MCU: variants seen among roughly 807,000 people sequenced by gnomAD.
The protein encoded by MCU is calcium uniporter protein, mitochondrial.
MCU carries 12 observed loss-of-function variants against 45.2 expected under a neutral mutation model. That is an observed-to-expected ratio of 0.27 (90% CI 0.17 to 0.43). The LOEUF (loss-of-function observed/expected upper bound fraction) is 0.43, where lower values mean the gene tolerates loss of function less well. Ranked by LOEUF, MCU falls within the 20% of genes least tolerant of loss-of-function variation. The pLI, the probability that MCU is intolerant of heterozygous loss-of-function variation, is 1.00. For synonymous variants in MCU, 160 were observed against 165.1 expected, an observed-to-expected ratio of 0.97 and a Z score of 0.24; for missense variants, 324 against 436.7, an observed-to-expected ratio of 0.74 and a Z score of 2.30.
At chr10:72,706,664 G>A (rs1277153121) in intron 1 of MCU, among the ~76,000 whole-genome samples, 1 of 151,490 alleles carries the variant, frequency 6.6e-6, no homozygotes, top group South Asian at 2.1e-4. Context: ...AGCCTCCCGA[G>A]TAGCTGGGAC....
chr10:72,766,868 CAGAAG>C (rs1167771494), intron 1 of MCU: 1 of 152,162 alleles, frequency 6.6e-6, no homozygotes, highest in Non-Finnish European at 1.5e-5. Context: ...AAATAATACT[CAGAAG>C]AGATTGTTCT....
chr10:72,761,324 C>T (rs1216802044), intron 1 of MCU, among the ~76,000 whole-genome samples: 3 of 152,184 alleles, frequency 2.0e-5, no homozygotes, highest in Non-Finnish European at 4.4e-5. Context: ...CATTTGTAAT[C>T]TTTCTACTTT....
chr10:72,716,267 T>C (rs1413662957), intron 1 of MCU, among the ~76,000 whole-genome samples: 1 of 152,238 alleles, frequency 6.6e-6, no homozygotes, highest in African/African-American at 2.4e-5. Context: ...CTTCAAATTG[T>C]ATTTAGAAAT....
chr10:72,775,047 G>C (rs972069021), intron 1 of MCU, among the ~76,000 whole-genome samples: 1 of 151,872 alleles, frequency 6.6e-6, no homozygotes. Flanking sequence ...AGATCTAATA[G>C]ACTTGATATT....
intron 1 of MCU, among the ~76,000 whole-genome samples, chr10:72,825,099 A>G (rs955854329): frequency 6.6e-6 from 1 of 152,190 alleles, no homozygotes; most frequent in Non-Finnish European, 1.5e-5. Flanking sequence ...TGCCTTTTAA[A>G]GGTTACAGAA....
intron 1 of MCU, among the ~76,000 whole-genome samples, chr10:72,805,165 C>CTTTCTTTCTTTTTCTG (rs1468524303): frequency 1.8e-5 from 1 of 55,114 alleles, no homozygotes; most frequent in Non-Finnish European, 4.1e-5. Flanking sequence ...CTTTCTGTCT[C>CTTTCTTTCTTTTTCTG]TCTCTCTCTC....
At chr10:72,742,022 CAAAAAAAAA>C (rs59028044) in intron 1 of MCU, among the ~76,000 whole-genome samples, 1 of 72,888 alleles carries the variant, frequency 1.4e-5, no homozygotes, top group African/African-American at 5.6e-5. Flanking sequence ...GACTCCGTCT[CAAAAAAAAA>C]AAAAAAAAAA....
chr10:72,751,341 CTTTTTTTTTTTT>C (rs71021528), intron 1 of MCU, among the ~76,000 whole-genome samples: 3,984 of 44,850 alleles, frequency 0.089, 248 homozygotes, highest in African/African-American at 0.3. Context: ...TCTTCTTCTT[CTTTTTTTTTTTT>C]TTTTTTTTTT....
In MCU at chr10:72,722,546, A is replaced by G. The variant is rs368532722; in HGVS notation, c.150+30245A>G. Reference sequence around the variant, plus strand: ...CTTTTTTTTTTTTTAACATGCAACTATTTTTACAAGCAAAATTCTAGTGTA... The same window carrying G: ...CTTTTTTTTTTTTTAACATGCAACTGTTTTTACAAGCAAAATTCTAGTGTA... On this transcript the variant is annotated intron_variant, in intron 1 of 7. Transcript: ENST00000373053. Among the ~76,000 whole-genome samples, 3 of 147,788 alleles carry G rather than the reference A, an allele frequency of 2.0e-5. No homozygotes were observed. In the East Asian group the frequency reaches 5.9e-4, roughly 29 times the overall value.
chr10:72,834,362 C>T lies in MCU; in HGVS notation c.154C>T (p.His52Tyr). The change falls in exon 2 of 8, where the codon CAC (histidine) becomes TAC (tyrosine). Residue 52 changes from histidine to tyrosine, a missense_variant. His to Tyr is a moderately conservative substitution (Grantham distance 83). Coordinates refer to ENST00000373053, the MANE Select transcript of MCU (RefSeq NM_138357.3). ...HRQQQHHRTV[H>Y]QRIASWQNLG... is the part of the protein sequence containing the mutation. ...ATGTATCTTTTGTGTTTTCTAGGTA[C>T]ACCAGAGGATCGCTTCCTGGCAGAA... The T allele has an allele frequency of 6.2e-7, 1 of 1,613,244 alleles. No individual in the cohort carries two copies. The highest frequency in any genetic ancestry group is 8.5e-7 in the Non-Finnish European group (1 of 1,179,360).
intron 3 of MCU, chr10:72,859,940 T>C (rs757749892): frequency 6.5e-6 from 1 of 152,774 alleles, no homozygotes; most frequent in Non-Finnish European, 1.5e-5. Context: ...AGTTAACAAT[T>C]ACCACATTTC....
intron 6 of MCU, among the ~76,000 whole-genome samples, chr10:72,879,535 T>TGA (rs1186776227): frequency 2.6e-5 from 4 of 152,160 alleles, no homozygotes; most frequent in Non-Finnish European, 1.5e-5. Flanking sequence ...AAAGACATTT[T>TGA]CAGACAGAGA....
At position 72,739,100 on chromosome 10, in the gene MCU, A is replaced by G. The variant is rs148663567; in HGVS notation, c.150+46799A>G. On this transcript the variant is annotated intron_variant, in intron 1 of 7. Transcript: ENST00000373053. Reference sequence around the variant, plus strand: ...AAATGTCATGCCACAGTGATGTGCTATATATTATAGATGTATAATAAATTA... The same window carrying G: ...AAATGTCATGCCACAGTGATGTGCTGTATATTATAGATGTATAATAAATTA... 5.7e-3 allele frequency among the ~76,000 whole-genome samples: 871 copies of G among 152,318 alleles called. 12 individuals are homozygous for G. Among genetic ancestry groups the G allele is most frequent in the African/African-American group, 0.02 (819 of 41,576 alleles).
intron 1 of MCU, among the ~76,000 whole-genome samples, chr10:72,719,826 C>G (rs1396597245): frequency 6.6e-6 from 1 of 152,146 alleles, no homozygotes; most frequent in African/African-American, 2.4e-5. Flanking sequence ...TTGTGCTATA[C>G]AATTCTAGGT....
chr10:72,723,888 G>A (rs1249589147), intron 1 of MCU, among the ~76,000 whole-genome samples: 2 of 152,168 alleles, frequency 1.3e-5, no homozygotes, highest in Non-Finnish European at 2.9e-5. Flanking sequence ...ACAAGTAACA[G>A]CCACAAATTT....
intron 2 of MCU, among the ~76,000 whole-genome samples, chr10:72,842,177 A>G (rs1179576843): frequency 6.6e-6 from 1 of 152,214 alleles, no homozygotes; most frequent in Non-Finnish European, 1.5e-5. Context: ...TCCTGTAGAC[A>G]TGGACAACCA....
intron 2 of MCU, among the ~76,000 whole-genome samples, chr10:72,851,647 C>T (rs1056676993): frequency 6.6e-6 from 1 of 152,088 alleles, no homozygotes; most frequent in Admixed American, 6.6e-5. Flanking sequence ...AAAGGCCAAT[C>T]TTAGGTTCTA....
At chr10:72,731,681 T>C (rs925928608) in intron 1 of MCU, among the ~76,000 whole-genome samples, 16 of 152,352 alleles carry the variant, frequency 1.1e-4, no homozygotes, top group Admixed American at 9.1e-4. Flanking sequence ...TTTCCTCTTC[T>C]GGACATTTCA....
At chr10:72,879,936 T>C (rs1845675207) in intron 6 of MCU, among the ~76,000 whole-genome samples, 1 of 152,062 alleles carries the variant, frequency 6.6e-6, no homozygotes, top group Non-Finnish European at 1.5e-5. Context: ...TAATTCCAAC[T>C]ACTGGGGAGG....
Sources: allele counts gnomAD v4.1 joint callset (sites outside exome capture counted in the v4.1 genomes callset), GRCh38; gene constraint gnomAD v4.1.1; transcripts MANE v1.5; gene names NCBI Gene and HGNC (gene_info 2026-07-23, HGNC 2026-07-21).